The following MEI4 variants were observed in gnomAD, a reference collection of about 807,000 sequenced individuals.
The protein encoded by MEI4 is meiotic double-stranded break formation protein 4, also known as meiosis-specific protein MEI4.
In MEI4, 27 loss-of-function variants were observed where a neutral mutation model predicts 31.4. The ratio of observed to expected loss-of-function variants is 0.86; its 90% confidence interval spans 0.63 to 1.19. The LOEUF (loss-of-function observed/expected upper bound fraction) is 1.19, where lower values mean the gene tolerates loss of function less well. Ranked by LOEUF, MEI4 falls within the 50% of genes most tolerant of loss-of-function variation. The pLI, the probability that MEI4 is intolerant of heterozygous loss-of-function variation, is 0.00. For synonymous variants in MEI4, 122 were observed against 145.4 expected, an observed-to-expected ratio of 0.84 and a Z score of 1.16; for missense variants, 329 against 398.9, an observed-to-expected ratio of 0.82 and a Z score of 1.49.
intron 4 of MEI4, among the ~76,000 whole-genome samples, chr6:77,898,450 A>G (rs7768037): frequency 0.83 from 125,507 of 151,970 alleles, 52,345 homozygotes; most frequent in East Asian, 0.95. Flanking sequence ...GAAACTGACC[A>G]AATGGTATAT....
At chr6:77,868,558 G>A (rs1465350879) in intron 4 of MEI4, among the ~76,000 whole-genome samples, 1 of 123,924 alleles carries the variant, frequency 8.1e-6, no homozygotes, top group African/African-American at 2.9e-5. Flanking sequence ...TCTTAGAGAA[G>A]TGTCTAGAGA....
intron 4 of MEI4, among the ~76,000 whole-genome samples, chr6:77,865,314 A>G (rs1057383594): frequency 6.6e-6 from 1 of 152,210 alleles, no homozygotes; most frequent in Non-Finnish European, 1.5e-5. Flanking sequence ...GAAAATATCA[A>G]AATTGATAGA....
At chr6:77,687,437 G>T (rs1769078524) in intron 1 of MEI4, among the ~76,000 whole-genome samples, 1 of 152,076 alleles carries the variant, frequency 6.6e-6, no homozygotes, top group Non-Finnish European at 1.5e-5. Context: ...AACCAGTTCT[G>T]ATTCTCTGGG....
chr6:77,855,224 A>G (rs1770717932), intron 4 of MEI4, among the ~76,000 whole-genome samples: 1 of 152,122 alleles, frequency 6.6e-6, no homozygotes, highest in Non-Finnish European at 1.5e-5. Context: ...GGGTGCCTGT[A>G]ATCCCAGATA....
intron 4 of MEI4, among the ~76,000 whole-genome samples, chr6:77,888,771 C>A (rs1363251482): frequency 6.6e-6 from 1 of 152,124 alleles, no homozygotes; most frequent in Non-Finnish European, 1.5e-5. Flanking sequence ...CCACCCAAAT[C>A]TCATCTTGAA....
chr6:77,719,142 G>A (rs1375052414), intron 2 of MEI4, among the ~76,000 whole-genome samples: 1 of 142,094 alleles, frequency 7.0e-6, no homozygotes, highest in Admixed American at 7.0e-5. Context: ...GAGCAATTGT[G>A]GTAGAATTGA....
chr6:77,892,196 A>C (rs1765977990), intron 4 of MEI4, among the ~76,000 whole-genome samples: 1 of 152,032 alleles, frequency 6.6e-6, no homozygotes, highest in Admixed American at 6.6e-5. Flanking sequence ...AGTCTGTGCA[A>C]GCCACCCCCT....
rs9443457 is a variant in MEI4 at position 77,699,600 on chromosome 6, A to G, written c.232+8697A>G. 7.0e-3 allele frequency among the ~76,000 whole-genome samples: 1,058 copies of G among 152,228 alleles called. 13 individuals are homozygous for G. The highest frequency in any genetic ancestry group is 0.024 in the African/African-American group (998 of 41,538). On this transcript the variant is annotated intron_variant, in intron 2 of 4. Transcript: ENST00000684080. ...AATTCGTCAAAGTCATTCTCTGTCC[A>G]GCTTTGTTCCATTGCTGGTGAGGAG...
chr6:77,699,979 G>A (rs758717137), intron 2 of MEI4, among the ~76,000 whole-genome samples: 4 of 152,170 alleles, frequency 2.6e-5, no homozygotes, highest in African/African-American at 9.7e-5. Flanking sequence ...AGGCGTACCC[G>A]GCAGTGTGAG....
At chr6:77,841,624 G>A (rs1770367759) in intron 4 of MEI4, among the ~76,000 whole-genome samples, 1 of 151,710 alleles carries the variant, frequency 6.6e-6, no homozygotes, top group African/African-American at 2.4e-5. Context: ...TTACAGGTGT[G>A]AGCCACCACA....
At chr6:77,759,212 T>C (rs557483335) in intron 2 of MEI4, among the ~76,000 whole-genome samples, 154 of 152,328 alleles carry the variant, frequency 1.0e-3, no homozygotes, top group Admixed American at 1.6e-3. Context: ...CATTTTTTCT[T>C]GTACCTTTTA....
chr6:77,838,537 G>T (rs746954927), intron 4 of MEI4, among the ~76,000 whole-genome samples: 1 of 152,116 alleles, frequency 6.6e-6, no homozygotes, highest in African/African-American at 2.4e-5. Context: ...TACCAGATGA[G>T]ATATAATAAA....
intron 2 of MEI4, among the ~76,000 whole-genome samples, chr6:77,752,049 G>A (rs1206133220): frequency 2.0e-5 from 3 of 152,062 alleles, no homozygotes; most frequent in Non-Finnish European, 2.9e-5. Flanking sequence ...CCCAGAAAAG[G>A]CCTTTGACAA....
At chr6:77,735,695 AG>A (rs1767176068) in intron 2 of MEI4, among the ~76,000 whole-genome samples, 1 of 151,964 alleles carries the variant, frequency 6.6e-6, no homozygotes, top group African/African-American at 2.4e-5. Context: ...GTTCCTTTGG[AG>A]GAGGAGAGGT....
intron 1 of MEI4, among the ~76,000 whole-genome samples, chr6:77,690,075 G>A (rs901027428): frequency 6.6e-6 from 1 of 151,940 alleles, no homozygotes; most frequent in Non-Finnish European, 1.5e-5. Context: ...GAGTAGACTC[G>A]CAACTTAAAT....
chr6:77,792,302 G>C (rs1768957927), intron 3 of MEI4, among the ~76,000 whole-genome samples: 1 of 152,082 alleles, frequency 6.6e-6, no homozygotes, highest in Non-Finnish European at 1.5e-5. Context: ...TATTTATTTG[G>C]GATATATTCC....
At position 77,902,298 on chromosome 6, in the gene MEI4, T is replaced by C. The variant is rs147308382; in HGVS notation, c.901-20791T>C. On this transcript the variant is annotated intron_variant, in intron 4 of 4. Transcript: ENST00000684080. ...ATTGAATCTGTATATTATTTTGAGA[T>C]ACTATAGGCATTTTAACAATTTAAT... Among the ~76,000 whole-genome samples the C allele has an allele frequency of 1.4e-3, 208 of 152,242 alleles. 1 individual carries two copies. Among genetic ancestry groups the C allele is most frequent in the African/African-American group, 4.4e-3 (182 of 41,554 alleles).
chr6:77,765,215 A>T (rs1265152965), intron 3 of MEI4, among the ~76,000 whole-genome samples: 1 of 149,446 alleles, frequency 6.7e-6, no homozygotes, highest in Non-Finnish European at 1.5e-5. Context: ...AACTTAATAA[A>T]TGTTTCTTTT....
intron 2 of MEI4, among the ~76,000 whole-genome samples, chr6:77,738,423 TTTTC>T (rs1396738515): frequency 4.6e-5 from 7 of 152,200 alleles, no homozygotes; most frequent in African/African-American, 1.2e-4. Context: ...CTCTTCTCTC[TTTTC>T]TTTCTTTATT....
Sources: allele counts gnomAD v4.1 joint callset (sites outside exome capture counted in the v4.1 genomes callset), GRCh38; gene constraint gnomAD v4.1.1; transcripts MANE v1.5; gene names NCBI Gene and HGNC (gene_info 2026-07-23, HGNC 2026-07-21).